ALK: variants seen among roughly 807,000 people sequenced by gnomAD.
ALK encodes ALK receptor tyrosine kinase, also known as ALK tyrosine kinase receptor.
ALK carries 74 observed loss-of-function variants against 163.1 expected under a neutral mutation model. The ratio of observed to expected loss-of-function variants is 0.45; its 90% CI spans 0.38 to 0.55. ALK has a LOEUF of 0.55. Ranked by LOEUF, ALK falls within the 20% of genes least tolerant of loss-of-function variation. ALK has a pLI of 0.00. For synonymous variants in ALK, 960 were observed against 843.2 expected, an observed-to-expected ratio of 1.14 and a Z score of -2.40; for missense variants, 2,063 against 2,105.3, an observed-to-expected ratio of 0.98 and a Z score of 0.39.
intron 1 of ALK, among the ~76,000 whole-genome samples, chr2:29,772,665 C>T (rs147102576): frequency 1.4e-3 from 209 of 152,274 alleles, no homozygotes; most frequent in African/African-American, 4.4e-3. Context: ...AGTTAAAGGG[C>T]GTCTCGCTGC....
chr2:29,201,991 C>T (rs1669192581), intron 26 of ALK, among the ~76,000 whole-genome samples: 1 of 152,064 alleles, frequency 6.6e-6, no homozygotes. Context: ...CTGCTTACAA[C>T]CCTTCAACCG....
intron 5 of ALK, among the ~76,000 whole-genome samples, chr2:29,342,690 G>T (rs953010549): frequency 1.3e-4 from 20 of 152,116 alleles, no homozygotes; most frequent in African/African-American, 4.8e-4. Context: ...GTGGCCTACT[G>T]AGAAAAGCCT....
chr2:29,824,811 T>A (rs958673051), intron 1 of ALK, among the ~76,000 whole-genome samples: 1 of 152,148 alleles, frequency 6.6e-6, no homozygotes, highest in Non-Finnish European at 1.5e-5. Flanking sequence ...GACTTTTGAG[T>A]TAATGCTGAA....
intron 23 of ALK, among the ~76,000 whole-genome samples, chr2:29,217,115 G>C (rs146540786): frequency 6.2e-5 from 5 of 80,510 alleles, no homozygotes; most frequent in African/African-American, 2.3e-4. Flanking sequence ...TGTCTGTGGG[G>C]GGGGGGCGTG....
chr2:29,467,642 G>A (rs1440161250), intron 4 of ALK, among the ~76,000 whole-genome samples: 3 of 152,162 alleles, frequency 2.0e-5, no homozygotes, highest in African/African-American at 7.2e-5. Context: ...CTCTCAAAGT[G>A]TGGCTCGGGG....
intron 1 of ALK, among the ~76,000 whole-genome samples, chr2:29,893,197 T>C (rs1572476446): frequency 6.6e-6 from 1 of 152,188 alleles, no homozygotes; most frequent in Non-Finnish European, 1.5e-5. Context: ...TCAGCCACTT[T>C]CCATTCAGAA....
chr2:29,594,426 C>CTTTTTT (rs754184164), intron 3 of ALK, among the ~76,000 whole-genome samples: 1 of 128,956 alleles, frequency 7.8e-6, no homozygotes. Context: ...GGTCTCCTCA[C>CTTTTTT]TTTTTTTTTT....
chr2:29,236,475 T>G (rs1391407167), intron 13 of ALK, among the ~76,000 whole-genome samples: 2 of 152,198 alleles, frequency 1.3e-5, no homozygotes, highest in African/African-American at 4.8e-5. Flanking sequence ...ACCTACTTTG[T>G]GCCATCCCTG....
intron 11 of ALK, among the ~76,000 whole-genome samples, chr2:29,264,586 G>A (rs1665165768): frequency 6.6e-6 from 1 of 152,230 alleles, no homozygotes; most frequent in African/African-American, 2.4e-5. Flanking sequence ...GCCTAAAACA[G>A]CACTAGTCAC....
chr2:29,578,168 T>C (rs918559495), intron 3 of ALK, among the ~76,000 whole-genome samples: 4 of 152,164 alleles, frequency 2.6e-5, no homozygotes, highest in African/African-American at 9.7e-5. Flanking sequence ...TCTCACGAGA[T>C]CTGATGGTTT....
At chr2:29,846,980 C>G (rs774107281) in intron 1 of ALK, among the ~76,000 whole-genome samples, 1 of 152,112 alleles carries the variant, frequency 6.6e-6, no homozygotes, top group Non-Finnish European at 1.5e-5. Flanking sequence ...TGTAAACACA[C>G]GTAAAAAGGA....
intron 1 of ALK, among the ~76,000 whole-genome samples, chr2:29,750,989 G>C (rs1360494508): frequency 6.6e-6 from 1 of 152,150 alleles, no homozygotes; most frequent in African/African-American, 2.4e-5. Flanking sequence ...AGAATCGCTT[G>C]AAGCCAGGAG....
At chr2:29,575,779 AG>A (rs1674508124) in intron 3 of ALK, among the ~76,000 whole-genome samples, 3 of 152,170 alleles carry the variant, frequency 2.0e-5, no homozygotes, top group Admixed American at 6.5e-5. Context: ...TCTAAGCAGA[AG>A]ATTGCTCTTC....
At chr2:29,312,639 C>A (rs1558665083) in intron 8 of ALK, among the ~76,000 whole-genome samples, 1 of 152,160 alleles carries the variant, frequency 6.6e-6, no homozygotes, top group Non-Finnish European at 1.5e-5. Flanking sequence ...GAGCCCTGTG[C>A]TTTCTGATAG....
chr2:29,790,104 T>C (rs1664151651), intron 1 of ALK, among the ~76,000 whole-genome samples: 1 of 152,172 alleles, frequency 6.6e-6, no homozygotes, highest in African/African-American at 2.4e-5. Context: ...TGAGATCACA[T>C]TTGCAAAGTG....
At chr2:29,315,525 C>T (rs1558666227) in intron 8 of ALK, among the ~76,000 whole-genome samples, 3 of 152,176 alleles carry the variant, frequency 2.0e-5, no homozygotes, top group Non-Finnish European at 2.9e-5. Context: ...ATTTCAGTCA[C>T]AATTGGCAAG....
chr2:29,360,155 G>A (rs1484911173), intron 5 of ALK, among the ~76,000 whole-genome samples: 1 of 152,142 alleles, frequency 6.6e-6, no homozygotes, highest in Non-Finnish European at 1.5e-5. Context: ...TCTTCTCTGG[G>A]ACCACAGAAC....
intron 3 of ALK, among the ~76,000 whole-genome samples, chr2:29,538,340 C>T (rs1036782492): frequency 2.0e-5 from 3 of 152,074 alleles, no homozygotes; most frequent in African/African-American, 7.2e-5. Flanking sequence ...AATACAACCC[C>T]CTTGGTGATA....
chr2:29,486,543 A>G (rs183991976), intron 4 of ALK, among the ~76,000 whole-genome samples: 50 of 152,332 alleles, frequency 3.3e-4, no homozygotes, highest in Non-Finnish European at 1.5e-4. Context: ...TTGAAGATCA[A>G]TGACGTCTTG....
Sources: allele counts gnomAD v4.1 joint callset (sites outside exome capture counted in the v4.1 genomes callset), GRCh38; gene constraint gnomAD v4.1.1; transcripts MANE v1.5; gene names NCBI Gene and HGNC (gene_info 2026-07-23, HGNC 2026-07-21).